The following RTP3 variants were observed in gnomAD, a reference collection of about 807,000 sequenced individuals.
The protein encoded by RTP3 is receptor-transporting protein 3.
In RTP3, 2 loss-of-function variants were observed where a neutral mutation model predicts 6.2. The ratio of observed to expected loss-of-function variants is 0.32; its 90% confidence interval spans 0.13 to 1.02. The LOEUF (loss-of-function observed/expected upper bound fraction) is 1.02, where lower values mean the gene tolerates loss of function less well. Ranked by LOEUF, RTP3 falls within the 50% of genes least tolerant of loss-of-function variation. RTP3 has a pLI of 0.47. For missense variants in RTP3, 252 were observed against 280.8 expected (o/e 0.90, Z 0.73); for synonymous variants, 106 against 98.3 (o/e 1.08, Z -0.47).
At chr3:46,499,099 T>A (rs1559619728) in intron 1 of RTP3, among the ~76,000 whole-genome samples, 1 of 152,156 alleles carries the variant, frequency 6.6e-6, no homozygotes, top group East Asian at 1.9e-4. Flanking sequence ...CTTCTTGGCC[T>A]CTCCCTCTCA....
Position 46,500,361 on chromosome 3 carries a change from A to G in RTP3, c.161A>G (p.Gln54Arg). Reference protein sequence around the residue: ...QYQQWTFARFQCSSCSRNWAS... With the variant: ...QYQQWTFARFRCSSCSRNWAS... ...ACTCTCTTCTGTCTCCACAGGTTCCAGTGCTCCTCCTGCTCTCGTAACTGG... is the reference window on the plus strand; with the variant it reads ...ACTCTCTTCTGTCTCCACAGGTTCCGGTGCTCCTCCTGCTCTCGTAACTGG... Residue 54 changes from glutamine (Q) to arginine (R), a missense_variant, in exon 2 of 2, where the codon CAG becomes CGG. Transcript: ENST00000296142. 4.4e-6 allele frequency: 7 copies of G among 1,605,022 alleles called. No homozygotes were observed. Among genetic ancestry groups the G allele is most frequent in the Non-Finnish European group, 6.0e-6 (7 of 1,176,430 alleles).
In RTP3 at chr3:46,497,998, T is replaced by A; in HGVS notation, c.-65T>A. 1.3e-6 allele frequency: 2 copies of A among 1,575,250 alleles called. No homozygotes were observed. Among genetic ancestry groups the A allele is most frequent in the Non-Finnish European group, 8.7e-7 (1 of 1,147,110 alleles). ...GCCCTCTGAAGTCAGAAACCTCATC[T>A]CCCACTACAGACCTGCCAGGGCCCA... is the stretch of plus-strand genomic sequence containing the variant. On this transcript the variant is annotated 5_prime_UTR_variant, in exon 1 of 2. Transcript: ENST00000296142.
Position 46,500,855 on chromosome 3 carries a change from A to T in RTP3, c.655A>T (p.Ile219Phe), listed in dbSNP as rs1162817049. The T allele has an allele frequency of 6.2e-7, 1 of 1,602,560 alleles. No individual in the cohort carries two copies. Among genetic ancestry groups the T allele is most frequent in the East Asian group, 2.2e-5 (1 of 44,846 alleles). Residue 219 changes from isoleucine to phenylalanine, a missense_variant, in exon 2 of 2, where the codon ATT becomes TTT. Coordinates refer to ENST00000296142, the MANE Select transcript of RTP3 (RefSeq NM_031440.2). ...RNLSIFCCCVILIVIVVIVVK... is the reference protein window; with the variant it reads ...RNLSIFCCCVFLIVIVVIVVK... ...CTTAAGCATTTTCTGCTGTTGTGTC[A>T]TTCTCATTGTTATCGTGGTGATTGT...
At position 46,500,406 on chromosome 3, in the gene RTP3, T is replaced by C; in HGVS notation, c.206T>C (p.Val69Ala). Residue 69 changes from valine (V) to alanine (A), a missense_variant, in exon 2 of 2, where the codon GTC (valine) becomes GCC (alanine). By Grantham distance (64) the Val-to-Ala change is moderately conservative (BLOSUM62 0). Transcript: ENST00000296142. ...SRNWASAQVL[V>A]LFHMNWSEEK... Reference sequence around the variant, plus strand: ...AACTGGGCCTCTGCCCAAGTTCTGGTCCTTTTCCACATGAACTGGAGTGAG... The same window carrying C: ...AACTGGGCCTCTGCCCAAGTTCTGGCCCTTTTCCACATGAACTGGAGTGAG... 1 of 1,614,028 alleles carries C rather than the reference T, an allele frequency of 6.2e-7. No individual in the cohort carries two copies.
At chr3:46,500,174 G>T (rs771966163) in intron 1 of RTP3, among the ~76,000 whole-genome samples, 182 bp from the exon 2 acceptor site, 5 of 152,206 alleles carry the variant, frequency 3.3e-5, no homozygotes, top group Non-Finnish European at 7.3e-5. Context: ...ACACTGTGCA[G>T]CATGCAGTGT....
chr3:46,500,900 GC>G lies in RTP3; in HGVS notation c.*3del. 5.2e-6 allele frequency: 8 copies of G among 1,552,316 alleles called. No individual in the cohort carries two copies. The highest frequency in any genetic ancestry group is 6.9e-6 in the Non-Finnish European group (8 of 1,154,156). ...GATTGTTGTAAAAACTGCTATATGA[GC>G]CTTGGAAACATGAAGCTAAGTCAGA... On this transcript the variant is annotated 3_prime_UTR_variant, in exon 2 of 2. Transcript: ENST00000296142.
chr3:46,500,522 C>T lies in RTP3; in HGVS notation c.322C>T (p.Gln108Ter), dbSNP rs775594467. The T allele has an allele frequency of 1.2e-6, 2 of 1,614,194 alleles. No individual in the cohort carries two copies. The highest frequency in any genetic ancestry group is 1.3e-5 in the African/African-American group (1 of 75,054). Residue 108 changes from glutamine to a stop codon, truncating the protein, a stop_gained, in exon 2 of 2, where the codon CAA (glutamine) becomes TAA (stop). Coordinates refer to ENST00000296142, the MANE Select transcript of RTP3 (RefSeq NM_031440.2). LOFTEE classifies it low-confidence loss of function (END_TRUNC). Reference sequence around the variant, plus strand: ...TCTGTTTGAGGACCCTGAGTTCACACAAGAGAACATCTCAAGGATCCTGAA... The same window carrying T: ...TCTGTTTGAGGACCCTGAGTTCACATAAGAGAACATCTCAAGGATCCTGAA... ...QPLFEDPEFT[Q>*]ENISRILKNL... is the part of the protein sequence containing the mutation.
chr3:46,500,807 T>A lies in RTP3; in HGVS notation c.607T>A (p.Cys203Ser), dbSNP rs774135390. The A allele has an allele frequency of 1.2e-6, 2 of 1,613,910 alleles. No individual in the cohort carries two copies. Among genetic ancestry groups the A allele is most frequent in the South Asian group, 2.2e-5 (2 of 90,982 alleles). The part of the protein sequence containing the change: ...ASGENVYSYA[C>S]QNHICRNLSI... The stretch of plus-strand genomic sequence containing the variant: ...AGGAGAGAATGTCTATTCCTACGCA[T>A]GCCAAAACCACATCTGTAGGAACTT... Residue 203 changes from cysteine (C) to serine (S), a missense_variant, in exon 2 of 2, where the codon TGC (cysteine) becomes AGC (serine). By Grantham distance (112) the Cys-to-Ser change is moderately radical. Coordinates refer to ENST00000296142, the MANE Select transcript of RTP3 (RefSeq NM_031440.2).
At chr3:46,500,216 C>G (rs571033878) in intron 1 of RTP3, 140 bp from the exon 2 acceptor site, 2 of 866,434 alleles carry the variant, frequency 2.3e-6, no homozygotes, top group East Asian at 2.4e-5. Flanking sequence ...GGAAAGAGGT[C>G]TTAGCAATTT....
At chr3:46,498,857 C>T (rs1485822421) in intron 1 of RTP3, among the ~76,000 whole-genome samples, 1 of 152,212 alleles carries the variant, frequency 6.6e-6, no homozygotes, top group Non-Finnish European at 1.5e-5. Flanking sequence ...ATAGAGGGGG[C>T]AGAGCTCTCC....
Position 46,500,445 on chromosome 3 carries a change from G to T in RTP3, c.245G>T (p.Gly82Val), listed in dbSNP as rs1575336414. ...AACTGGAGTGAGGAGAAGTCCAGGGGCCAGGTGAAGATGAGGGTGTTTACC... is the reference window on the plus strand; with the variant it reads ...AACTGGAGTGAGGAGAAGTCCAGGGTCCAGGTGAAGATGAGGGTGTTTACC... ...HMNWSEEKSR[G>V]QVKMRVFTQR... The change falls in exon 2 of 2, where the codon GGC (glycine) becomes GTC (valine). Residue 82 changes from glycine to valine, a missense_variant. By Grantham distance (109) the Gly-to-Val change is moderately radical. Transcript: ENST00000296142. The T allele has an allele frequency of 8.7e-6, 14 of 1,614,204 alleles. No homozygotes were observed. The highest frequency in any genetic ancestry group is 1.7e-4 in the Middle Eastern group (1 of 6,058).
chr3:46,499,136 T>G (rs1703678547), intron 1 of RTP3, among the ~76,000 whole-genome samples: 1 of 152,186 alleles, frequency 6.6e-6, no homozygotes, highest in Non-Finnish European at 1.5e-5. Context: ...ACCCTGTGGG[T>G]TGCGGCTAGA....
chr3:46,500,889 C>T lies in RTP3; in HGVS notation c.689C>T (p.Thr230Ile), dbSNP rs1703701966. 2.5e-6 allele frequency: 4 copies of T among 1,573,412 alleles called. No homozygotes were observed. The South Asian group carries it at 4.8e-5, about 19-fold the overall frequency. ...GTTATCGTGGTGATTGTTGTAAAAA[C>T]TGCTATATGAGCCTTGGAAACATGA... The part of the protein sequence containing the change: ...LIVIVVIVVK[T>I]AI Residue 230 changes from threonine (T) to isoleucine (I), a missense_variant, in exon 2 of 2, where the codon ACT becomes ATT. Coordinates refer to ENST00000296142, the MANE Select transcript of RTP3 (RefSeq NM_031440.2).
At position 46,500,452 on chromosome 3, in the gene RTP3, G is replaced by A. The variant is rs554123774; in HGVS notation, c.252G>A (p.Val84=). Residue 84 remains valine (V), a synonymous_variant, in exon 2 of 2, where the codon GTG becomes GTA. Transcript: ENST00000296142. ...NWSEEKSRGQ[V]KMRVFTQRCK... ...GTGAGGAGAAGTCCAGGGGCCAGGT[G>A]AAGATGAGGGTGTTTACCCAGAGAT... 8 of 1,614,218 alleles carry A rather than the reference G, an allele frequency of 5.0e-6. No homozygotes were observed. The South Asian group carries it at 7.7e-5, about 16-fold the overall frequency.
In RTP3 at chr3:46,497,998, TC is replaced by T; in HGVS notation, c.-62del. 1 of 1,575,250 alleles carries T rather than the reference TC, an allele frequency of 6.3e-7. No homozygotes were observed. Among genetic ancestry groups the T allele is most frequent in the Non-Finnish European group, 8.7e-7 (1 of 1,147,110 alleles). On this transcript the variant is annotated 5_prime_UTR_variant, in exon 1 of 2. Coordinates refer to ENST00000296142, the MANE Select transcript of RTP3 (RefSeq NM_031440.2). ...GCCCTCTGAAGTCAGAAACCTCATC[TC>T]CCACTACAGACCTGCCAGGGCCCAG... is the stretch of plus-strand genomic sequence containing the variant.
intron 1 of RTP3, among the ~76,000 whole-genome samples, chr3:46,499,061 C>T (rs1235485817): frequency 2.0e-5 from 3 of 152,236 alleles, no homozygotes; most frequent in Non-Finnish European, 2.9e-5. Context: ...GGGTGACTCC[C>T]AGCAAGGTCC....
rs1430981182 is a variant in RTP3, at chr3:46,500,204, T to C, written c.156-152T>C. 1.7e-5 allele frequency: 13 copies of C among 771,022 alleles called. No homozygotes were observed. The East Asian group carries it at 3.0e-4, about 18-fold the overall frequency. The allele number at this position is 771,022 out of a possible 1,614,324, so 47.8% of individuals were successfully genotyped here. Reference sequence around the variant, plus strand: ...CAGTGTGTCAGTGGCACAATGGAGATGGGAAAGAGGTCTTAGCAATTTCTT... The same window carrying C: ...CAGTGTGTCAGTGGCACAATGGAGACGGGAAAGAGGTCTTAGCAATTTCTT... On this transcript the variant is annotated intron_variant, in intron 1 of 1. Coordinates refer to ENST00000296142, the MANE Select transcript of RTP3 (RefSeq NM_031440.2).
At chr3:46,499,819 C>A (rs917798681) in intron 1 of RTP3, among the ~76,000 whole-genome samples, 6 of 152,040 alleles carry the variant, frequency 3.9e-5, no homozygotes, top group Admixed American at 1.3e-4. Flanking sequence ...AAGGCAAAGG[C>A]TTTCCTCTAG....
At chr3:46,498,994 G>A (rs1274095134) in intron 1 of RTP3, among the ~76,000 whole-genome samples, 2 of 152,262 alleles carry the variant, frequency 1.3e-5, no homozygotes, top group African/African-American at 2.4e-5. Context: ...AGACCCAGGG[G>A]ATGGCAGTGG....
Sources: allele counts gnomAD v4.1 joint callset (sites outside exome capture counted in the v4.1 genomes callset), GRCh38; gene constraint gnomAD v4.1.1; transcripts MANE v1.5; gene names NCBI Gene and HGNC (gene_info 2026-07-23, HGNC 2026-07-21).